Variants in CAVIN1 observed in about 807,000 individuals in gnomAD.
The protein encoded by CAVIN1 is caveolae associated protein 1, also known as caveolae-associated protein 1.
In CAVIN1, 16 loss-of-function variants were observed where a neutral mutation model predicts 24.0. The ratio of observed to expected loss-of-function variants is 0.67; its 90% CI spans 0.45 to 1.01. CAVIN1 has a LOEUF of 1.01. Ranked by LOEUF, CAVIN1 falls within the 50% of genes least tolerant of loss-of-function variation. CAVIN1 has a pLI of 0.00. For synonymous variants in CAVIN1, 256 were observed against 256.4 expected (o/e 1.00, Z 0.02); for missense variants, 510 against 551.7 (o/e 0.92, Z 0.76).
intron 1 of CAVIN1, among the ~76,000 whole-genome samples, chr17:42,419,882 C>CGTGTGTGTGTGTGTGTGTGT (rs5820458): frequency 7.0e-6 from 1 of 143,658 alleles, no homozygotes; most frequent in African/African-American, 2.6e-5. Flanking sequence ...TGCTGAATTT[C>CGTGTGTGTGTGTGTGTGTGT]GTGTGTGTGT....
At chr17:42,407,653 C>G (rs1032888076) in intron 1 of CAVIN1, among the ~76,000 whole-genome samples, 12 of 152,212 alleles carry the variant, frequency 7.9e-5, no homozygotes, top group African/African-American at 2.7e-4. Context: ...CCACCTCCAG[C>G]TCTCTGTTAC....
chr17:42,405,458 G>T, intron 1 of CAVIN1, 70 bp from the exon 2 acceptor site: 1 of 1,524,376 alleles, frequency 6.6e-7, no homozygotes, highest in South Asian at 1.1e-5. Context: ...GAGTCAGGGT[G>T]GTGACGATCC....
intron 1 of CAVIN1, among the ~76,000 whole-genome samples, chr17:42,420,380 C>T (rs1240154832): frequency 1.3e-5 from 2 of 152,202 alleles, no homozygotes; most frequent in African/African-American, 2.4e-5. Context: ...CTCCAGCAGC[C>T]GGGTCCCCAC....
intron 1 of CAVIN1, 73 bp from the exon 2 acceptor site, chr17:42,405,461 G>A: frequency 6.7e-7 from 1 of 1,501,954 alleles, no homozygotes; most frequent in Non-Finnish European, 9.2e-7. Flanking sequence ...TCAGGGTGGT[G>A]ACGATCCTGG....
At chr17:42,412,139 G>A in intron 1 of CAVIN1, 21 of 985,324 alleles carry the variant, frequency 2.1e-5, no homozygotes, top group Non-Finnish European at 2.5e-5. Flanking sequence ...TCAAAAGGTG[G>A]GAGCTCAGGC....
intron 1 of CAVIN1, among the ~76,000 whole-genome samples, 167 bp from the exon 2 acceptor site, chr17:42,405,555 T>G (rs2085439213): frequency 6.6e-6 from 1 of 151,922 alleles, no homozygotes; most frequent in Non-Finnish European, 1.5e-5. Context: ...CCTGTAATAT[T>G]AGCGCTGTGG....
At chr17:42,420,573 C>T (rs2085539198) in intron 1 of CAVIN1, among the ~76,000 whole-genome samples, 3 of 152,206 alleles carry the variant, frequency 2.0e-5, no homozygotes, top group African/African-American at 7.2e-5. Flanking sequence ...CTCTGTCACC[C>T]ACTGGCCTTG....
chr17:42,417,459 C>CAA (rs61462482), intron 1 of CAVIN1, among the ~76,000 whole-genome samples: 11,544 of 131,190 alleles, frequency 0.088, 754 homozygotes, highest in East Asian at 0.26. Flanking sequence ...AACTTGTCTC[C>CAA]AAAAAAAAAA....
chr17:42,413,328 G>A (rs1259884705), intron 1 of CAVIN1, among the ~76,000 whole-genome samples: 1 of 151,888 alleles, frequency 6.6e-6, no homozygotes, highest in African/African-American at 2.4e-5. Context: ...GCACTTTGGA[G>A]GCCAAGGTGG....
chr17:42,410,192 A>G (rs369091050), intron 1 of CAVIN1, among the ~76,000 whole-genome samples: 107 of 152,322 alleles, frequency 7.0e-4, no homozygotes, highest in African/African-American at 2.4e-3. Flanking sequence ...TCTGGGTAGG[A>G]GGCTCTCTTG....
At chr17:42,413,566 G>GAAAAAAAAAAAAAAAAAAAAAA (rs60085741) in intron 1 of CAVIN1, among the ~76,000 whole-genome samples, 1 of 56,964 alleles carries the variant, frequency 1.8e-5, no homozygotes, top group Non-Finnish European at 3.1e-5. Context: ...CTCAAAAAGG[G>GAAAAAAAAAAAAAAAAAAAAAA]AAAAAAAAAA....
At position 42,422,567 on chromosome 17, in the gene CAVIN1, C is replaced by T. The variant is rs1047335406; in HGVS notation, c.471+60G>A. 76 of 1,399,698 alleles carry T rather than the reference C, an allele frequency of 5.4e-5. No homozygotes were observed. The East Asian group carries it at 1.9e-3, about 34-fold the overall frequency. The allele number at this position is 1,399,698 out of a possible 1,614,324, so 86.7% of individuals were successfully genotyped here. A position where few individuals can be genotyped will look rare whatever the true frequency, so the allele number is the denominator to read the frequency against. ...GGGCAGGTCTCCCCACCCCAACTCC[C>T]AGGCAGGGGACGCGGGCCGGGCGCG... is the stretch of plus-strand genomic sequence containing the variant. On this transcript the variant is annotated intron_variant, in intron 1 of 1. Coordinates refer to ENST00000357037, the MANE Select transcript of CAVIN1 (RefSeq NM_012232.6).
Position 42,404,987 on chromosome 17 carries a change from C to A in CAVIN1, c.873G>T (p.Lys291Asn). The A allele has an allele frequency of 6.2e-7, 1 of 1,614,178 alleles. No homozygotes were observed. Among genetic ancestry groups the A allele is most frequent in the Middle Eastern group, 1.6e-4 (1 of 6,062 alleles). Reference sequence around the variant, plus strand: ...ATTTGCGCAACTTGTCCCGCGACGTCTTCAGTTTCTCGCGCCGCTCGGCGG... The same window carrying A: ...ATTTGCGCAACTTGTCCCGCGACGTATTCAGTTTCTCGCGCCGCTCGGCGG... ...LVPAERREKLKTSRDKLRKSF... is the reference protein window; with the variant it reads ...LVPAERREKLNTSRDKLRKSF... The change falls in exon 2 of 2, where the codon AAG becomes AAT. Residue 291 changes from lysine to asparagine, a missense_variant. By Grantham distance (94) the Lys-to-Asn change is moderately conservative (BLOSUM62 0). Coordinates refer to ENST00000357037, the MANE Select transcript of CAVIN1 (RefSeq NM_012232.6).
At chr17:42,417,477 T>C (rs930816821) in intron 1 of CAVIN1, among the ~76,000 whole-genome samples, 4 of 103,852 alleles carry the variant, frequency 3.9e-5, no homozygotes, top group Non-Finnish European at 8.7e-5. Context: ...AAAAAAAAGA[T>C]TGTAGTGGAG....
chr17:42,419,537 C>G (rs1320156013), intron 1 of CAVIN1, among the ~76,000 whole-genome samples: 1 of 152,080 alleles, frequency 6.6e-6, no homozygotes, highest in East Asian at 1.9e-4. Context: ...TCTCGAACTA[C>G]TGACCTCAAG....
intron 1 of CAVIN1, among the ~76,000 whole-genome samples, chr17:42,419,230 T>G (rs190375832): frequency 6.6e-6 from 1 of 152,152 alleles, no homozygotes; most frequent in Admixed American, 6.6e-5. Context: ...AAAAACAAAT[T>G]GTTGCCTGGA....
At chr17:42,417,761 C>T (rs1334081406) in intron 1 of CAVIN1, among the ~76,000 whole-genome samples, 2 of 152,112 alleles carry the variant, frequency 1.3e-5, no homozygotes, top group South Asian at 2.1e-4. Context: ...CAGGTTCAAA[C>T]GATTCCCCTG....
Position 42,422,592 on chromosome 17 carries a change from G to T in CAVIN1, c.471+35C>A, listed in dbSNP as rs949409035. 7.3e-6 allele frequency: 11 copies of T among 1,509,402 alleles called. No individual in the cohort carries two copies. The Middle Eastern group carries it at 1.2e-3, about 163-fold the overall frequency. The allele number at this position is 1,509,402 out of a possible 1,614,324, so 93.5% of individuals were successfully genotyped here. On this transcript the variant is annotated intron_variant, in intron 1 of 1. Transcript: ENST00000357037. ...CAGGCAGGGGACGCGGGCCGGGCGCGGGAGCTCTGGGCGCCTTCCGCCCTG... is the reference window on the plus strand; with the variant it reads ...CAGGCAGGGGACGCGGGCCGGGCGCTGGAGCTCTGGGCGCCTTCCGCCCTG...
rs374317281 is a variant in CAVIN1 at position 42,404,807 on chromosome 17, G to A, written c.1053C>T (p.Gly351=). The change falls in exon 2 of 2, where the codon GGC becomes GGT. Residue 351 remains glycine (G), a synonymous_variant. Coordinates refer to ENST00000357037, the MANE Select transcript of CAVIN1 (RefSeq NM_012232.6). ...MVEVGADDDE[G]GAERGEAGDL... is the part of the protein sequence containing the mutation. ...CGCCGGCCTCCCCGCGCTCCGCGCC[G>A]CCCTCGTCGTCGTCGGCGCCCACCT... is the stretch of plus-strand genomic sequence containing the variant. 5.6e-6 allele frequency: 9 copies of A among 1,610,978 alleles called. No homozygotes were observed. The highest frequency in any genetic ancestry group is 1.3e-5 in the African/African-American group (1 of 74,826).
Sources: allele counts gnomAD v4.1 joint callset (sites outside exome capture counted in the v4.1 genomes callset), GRCh38; gene constraint gnomAD v4.1.1; transcripts MANE v1.5; gene names NCBI Gene and HGNC (gene_info 2026-07-23, HGNC 2026-07-21).